MRPL47: variants seen among roughly 807,000 people sequenced by gnomAD.
MRPL47 encodes the protein mitochondrial ribosomal protein L47, also known as large ribosomal subunit protein uL29m.
A neutral mutation model predicts 34.0 loss-of-function variants in MRPL47; 31 were observed. That is an observed-to-expected ratio of 0.91 (90% CI 0.68 to 1.23). The LOEUF is 1.23. Among genes scored for constraint, MRPL47 ranks in the 50% most tolerant of loss-of-function variants. MRPL47 has a pLI of 0.00. For missense variants in MRPL47, 328 were observed against 285.8 expected (o/e 1.15, Z -1.07); for synonymous variants, 106 against 101.6 (o/e 1.04, Z -0.26).
chr3:179,589,552 G>GA (rs1315074689), intron 6 of MRPL47, among the ~76,000 whole-genome samples: 3 of 151,996 alleles, frequency 2.0e-5, no homozygotes, highest in Non-Finnish European at 2.9e-5. Flanking sequence ...AATTGAAAAT[G>GA]AAAAAAATCC....
chr3:179,601,841 T>C, intron 2 of MRPL47, 51 bp from the exon 3 acceptor site: 1 of 1,364,776 alleles, frequency 7.3e-7, no homozygotes, highest in Non-Finnish European at 1.0e-6. Flanking sequence ...ATGTGCCCTT[T>C]GGCAAATTAT....
intron 1 of MRPL47, among the ~76,000 whole-genome samples, chr3:179,603,330 G>A (rs1336625107): frequency 6.6e-6 from 1 of 151,988 alleles, no homozygotes; most frequent in African/African-American, 2.4e-5. Context: ...TTGAGCCCAG[G>A]AGCTCAAGAC....
At position 179,601,745 on chromosome 3, in the gene MRPL47, T is replaced by C. The variant is rs1281332918; in HGVS notation, c.290A>G (p.Asp97Gly). 5.6e-6 allele frequency: 9 copies of C among 1,606,610 alleles called. No individual in the cohort carries two copies. The highest frequency in any genetic ancestry group is 7.7e-6 in the Non-Finnish European group (9 of 1,173,586). ...GTATACTTACCAAAGTTTGTGTAAA[T>C]CTTCATTACTTTTGTTCCTTAGTTG... ...CQQLRNKSNE[D>G]LHKLWYVLLK... Residue 97 changes from aspartate (D) to glycine (G), a missense_variant, in exon 3 of 7, where the codon GAT (aspartate) becomes GGT (glycine). Physicochemically the swap from Asp to Gly is moderately conservative, Grantham distance 94. Transcript: ENST00000476781.
chr3:179,598,541 T>G (rs1213899225), intron 4 of MRPL47, 134 bp downstream of exon 4: 8 of 619,644 alleles, frequency 1.3e-5, no homozygotes. Context: ...CTATGATGGT[T>G]GCACTACTCA....
chr3:179,598,206 G>T (rs1718831736), intron 4 of MRPL47, among the ~76,000 whole-genome samples: 1 of 152,040 alleles, frequency 6.6e-6, no homozygotes, highest in Non-Finnish European at 1.5e-5. Flanking sequence ...GGCCAACATG[G>T]TGAAACCACA....
intron 2 of MRPL47, 38 bp downstream of exon 2, chr3:179,602,614 A>G: frequency 7.5e-7 from 1 of 1,337,850 alleles, no homozygotes; most frequent in Non-Finnish European, 1.0e-6. Flanking sequence ...GGGGGGTTCC[A>G]TAAATATATC....
intron 5 of MRPL47, among the ~76,000 whole-genome samples, chr3:179,593,454 C>T (rs184897110): frequency 2.1e-3 from 319 of 152,232 alleles, no homozygotes; most frequent in Non-Finnish European, 4.0e-3. Flanking sequence ...TCTGAGGAAA[C>T]GATCCCTAAC....
At chr3:179,596,482 GAA>G (rs1718791154) in intron 4 of MRPL47, among the ~76,000 whole-genome samples, 1 of 152,152 alleles carries the variant, frequency 6.6e-6, no homozygotes, top group South Asian at 2.1e-4. Context: ...TACTGATTGA[GAA>G]AGTGCAGTAC....
At chr3:179,602,597 G>GGGC in intron 2 of MRPL47, 55 bp downstream of exon 2, 4 of 694,640 alleles carry the variant, frequency 5.8e-6, no homozygotes, top group African/African-American at 5.0e-5. Context: ...GTTGGGCGGG[G>GGGC]CGGGGGGGGG....
intron 6 of MRPL47, 30 bp downstream of exon 6, chr3:179,592,614 A>G (rs201180785): frequency 5.7e-5 from 76 of 1,329,568 alleles, no homozygotes; most frequent in Non-Finnish European, 7.9e-5. Flanking sequence ...TATAAAGATA[A>G]TATGTTTTAT....
rs763041670 is a variant in MRPL47 at position 179,588,940 on chromosome 3, TTC to T, written c.683_684del (p.Arg228LysfsTer15). The T allele has an allele frequency of 3.2e-5, 52 of 1,613,672 alleles. No homozygotes were observed. The Admixed American group carries it at 5.5e-4, about 17-fold the overall frequency. ...RIKARKENLE[R>X]KKAKILLKKF... ...TTTTTTAAAAGAATTTTTGCTTTCT[TTC>T]TCTCTAAATTTTCCTTCCGTGCTTT... On this transcript the variant is annotated frameshift_variant, in exon 7 of 7. Transcript: ENST00000476781. LOFTEE classifies it high-confidence loss of function.
chr3:179,601,861 C>T (rs901512266), intron 2 of MRPL47, 71 bp from the exon 3 acceptor site: 3 of 900,542 alleles, frequency 3.3e-6, no homozygotes, highest in African/African-American at 1.7e-5. Flanking sequence ...TTTAAGCTCT[C>T]TAAACCTGTC....
In MRPL47 at chr3:179,588,668, A is replaced by T. The variant is rs1459800666; in HGVS notation, c.*204T>A. 1 of 409,642 alleles carries T rather than the reference A, an allele frequency of 2.4e-6. No individual in the cohort carries two copies. The highest frequency in any genetic ancestry group is 4.0e-5 in the East Asian group (1 of 24,864). 25.4% of individuals were successfully genotyped at this position (409,642 alleles called of 1,614,324 possible). A position where few individuals can be genotyped will look rare whatever the true frequency, so the allele number is the denominator to read the frequency against. ...TCAGAATTTATAAAGTGGGAATCTC[A>T]TCTGAACTTTATACCTGATTTTTAG... On this transcript the variant is annotated 3_prime_UTR_variant, in exon 7 of 7. Transcript: ENST00000476781.
intron 2 of MRPL47, 28 bp downstream of exon 2, chr3:179,602,624 C>A (rs1260815995): frequency 1.5e-5 from 20 of 1,343,458 alleles, no homozygotes; most frequent in East Asian, 1.4e-4. Context: ...ATAAATATAT[C>A]TAATGTTGAC....
intron 1 of MRPL47, 121 bp from the exon 2 acceptor site, chr3:179,602,918 G>T: frequency 1.2e-6 from 1 of 821,214 alleles, no homozygotes; most frequent in Non-Finnish European, 1.9e-6. Context: ...AAGCTACTCA[G>T]GGTTTCTGCA....
At chr3:179,590,337 C>CAAA (rs1170151793) in intron 6 of MRPL47, among the ~76,000 whole-genome samples, 4 of 116,330 alleles carry the variant, frequency 3.4e-5, no homozygotes, top group African/African-American at 1.3e-4. Context: ...GACTCCATCT[C>CAAA]AAAAAAAAAA....
In MRPL47 at chr3:179,602,684, G is replaced by T; in HGVS notation, c.212C>A (p.Pro71Gln). ...RKGLEEFFDDPKNWGQEKVKS... is the reference protein window; with the variant it reads ...RKGLEEFFDDQKNWGQEKVKS... The stretch of plus-strand genomic sequence containing the variant: ...TACTTTTTCTTGCCCCCAGTTTTTT[G>T]GGTCATCAAAAAATTCTTCTAGTCC... Residue 71 changes from proline (P) to glutamine (Q), a missense_variant, in exon 2 of 7, where the codon CCA becomes CAA. By Grantham distance (76) the Pro-to-Gln change is moderately conservative. Transcript: ENST00000476781. 1 of 1,608,168 alleles carries T rather than the reference G, an allele frequency of 6.2e-7. No individual in the cohort carries two copies. Among genetic ancestry groups the T allele is most frequent in the Non-Finnish European group, 8.5e-7 (1 of 1,177,894 alleles).
chr3:179,599,159 T>A (rs1400509856), intron 3 of MRPL47, among the ~76,000 whole-genome samples: 1 of 148,772 alleles, frequency 6.7e-6, no homozygotes, highest in Non-Finnish European at 1.5e-5. Context: ...TAAAGTGAGA[T>A]CTTGCTTCAA....
intron 6 of MRPL47, 69 bp from the exon 7 acceptor site, chr3:179,589,064 A>G: frequency 6.9e-7 from 1 of 1,452,220 alleles, no homozygotes. Flanking sequence ...CTATCAAAAT[A>G]TGCATAAATC....
Sources: gnomAD v4.1 joint callset for allele counts (sites outside exome capture counted in the v4.1 genomes callset) on GRCh38, gnomAD v4.1.1 for gene constraint, MANE v1.5 for transcripts, NCBI Gene and HGNC (gene_info 2026-07-23, HGNC 2026-07-21) for gene names.